CLCN2: variants seen among roughly 807,000 people sequenced by gnomAD.
CLCN2 encodes chloride voltage-gated channel 2.
In CLCN2, 72 loss-of-function variants were observed where a neutral mutation model predicts 108.3. The observed-to-expected ratio is 0.66, with a 90% CI of 0.55 to 0.81. The LOEUF (loss-of-function observed/expected upper bound fraction) is 0.81. CLCN2 is among the 30% of genes least tolerant of loss of function. The pLI, the probability that CLCN2 is intolerant of heterozygous loss-of-function variation, is 0.00. For synonymous variants in CLCN2, 471 were observed against 467.1 expected (o/e 1.01, Z -0.11); for missense variants, 1,048 against 1,205.2 (o/e 0.87, Z 1.93).
chr3:184,359,120 C>A lies in CLCN2; in HGVS notation c.75G>T (p.Arg25=). The change falls in exon 2 of 24, where the codon CGG becomes CGT. Residue 25 remains arginine, a synonymous_variant. Transcript: ENST00000265593. ...CAAAGGCCCCAAGGTCCTGAGTGTA[C>A]CGGCCATACATCTGGAGCAACAGAG... is the stretch of plus-strand genomic sequence containing the variant. The part of the protein sequence containing the change: ...LQYEQTLMYG[R]YTQDLGAFAK... The A allele has an allele frequency of 6.2e-7, 1 of 1,613,742 alleles. No homozygotes were observed. The highest frequency in any genetic ancestry group is 8.5e-7 in the Non-Finnish European group (1 of 1,180,048).
chr3:184,354,733 A>G, intron 13 of CLCN2, 75 bp from the exon 14 acceptor site: 1 of 1,373,602 alleles, frequency 7.3e-7, no homozygotes, highest in Admixed American at 1.7e-5. Context: ...AGAGAGGGTC[A>G]GAGGGTGAGG....
rs2108566657 is a variant in CLCN2, at chr3:184,354,625, A to G, written c.1430T>C (p.Met477Thr). The G allele has an allele frequency of 6.4e-7, 1 of 1,554,806 alleles. No homozygotes were observed. Among genetic ancestry groups the G allele is most frequent in the Non-Finnish European group, 8.7e-7 (1 of 1,150,150 alleles). The change falls in exon 14 of 24, where the codon ATG becomes ACG. Residue 477 changes from methionine to threonine, a missense_variant. Met to Thr is a moderately conservative substitution (Grantham distance 81, BLOSUM62 -1). Transcript: ENST00000265593. ...AATTCCATCTGGGAACCAGGCAGCCATGCTTTCACCCACCAGACGCCCAAA... is the reference window on the plus strand; with the variant it reads ...AATTCCATCTGGGAACCAGGCAGCCGTGCTTTCACCCACCAGACGCCCAAA... ...AAFGRLVGES[M>T]AAWFPDGIHT...
Position 184,352,887 on chromosome 3 carries a change from A to G in CLCN2, c.2144-77T>C, listed in dbSNP as rs3749223. On this transcript the variant is annotated intron_variant, in intron 18 of 23. Transcript: ENST00000265593. ...GGACCAGGAAAGGTAAGGAAGACAC[A>G]GGGAGAGGTATCCCAGTTCCAGCCC... is the stretch of plus-strand genomic sequence containing the variant. 0.71 allele frequency: 1,111,105 copies of G among 1,570,706 alleles called. 395,720 individuals carry two copies. Among genetic ancestry groups the G allele is most frequent in the African/African-American group, 0.88 (65,294 of 74,192 alleles).
Position 184,355,126 on chromosome 3 carries a change from C to G in CLCN2, c.1327-153G>C, listed in dbSNP as rs1050963425. 3.6e-6 allele frequency: 3 copies of G among 827,816 alleles called. No individual in the cohort carries two copies. Among genetic ancestry groups the G allele is most frequent in the Middle Eastern group, 3.4e-4 (1 of 2,968 alleles). 51.3% of individuals were successfully genotyped at this position (827,816 alleles called of 1,614,324 possible). ...CCTAGCTACCCTGGGACCCCCAGGC[C>G]TCCCAGGTGATGGCAAGGGGAAGGA... is the stretch of plus-strand genomic sequence containing the variant. On this transcript the variant is annotated intron_variant, in intron 12 of 23. Transcript: ENST00000265593. This position sits in a 1 kb window ranked among gnomAD's most constrained non-coding sequence, Gnocchi z 6.3.
intron 22 of CLCN2, 82 bp from the exon 23 acceptor site, chr3:184,347,103 G>A: frequency 8.1e-7 from 1 of 1,231,134 alleles, no homozygotes; most frequent in East Asian, 2.3e-5. Context: ...CCAGGACAAG[G>A]TTGGTGTGGA....
rs1727673096 is a variant in CLCN2, at chr3:184,346,481, G to C, written c.*125C>G. The C allele has an allele frequency of 1.8e-6, 2 of 1,108,786 alleles. No homozygotes were observed. The highest frequency in any genetic ancestry group is 2.7e-6 in the Non-Finnish European group (2 of 751,252). The allele number at this position is 1,108,786 out of a possible 1,614,324, so 68.7% of individuals were successfully genotyped here. On this transcript the variant is annotated 3_prime_UTR_variant, in exon 24 of 24. Coordinates refer to ENST00000265593, the MANE Select transcript of CLCN2 (RefSeq NM_004366.6). The surrounding 1 kb of genome is among the most constrained non-coding windows in gnomAD (Gnocchi z 6.0). ...GGGAGAAGCTGGCACCCCAGGTCTG[G>C]AGGGGGCTGGGGTGCAGCCTCCAGC... is the stretch of plus-strand genomic sequence containing the variant.
chr3:184,348,211 A>G (rs1475231886), intron 22 of CLCN2: 1 of 152,216 alleles, frequency 6.6e-6, no homozygotes, highest in Non-Finnish European at 1.5e-5. Context: ...CAATTTTAGA[A>G]TAAGCTCTTC....
At position 184,361,474 on chromosome 3, in the gene CLCN2, C is replaced by T; in HGVS notation, c.6G>A (p.Ala2=). The change falls in exon 1 of 24, where the codon GCG becomes GCA. Residue 2 remains alanine (A), a synonymous_variant. Transcript: ENST00000265593. This position sits in a 1 kb window ranked among gnomAD's most constrained non-coding sequence, Gnocchi z 6.6. ...CCATCCCTTCCTCCGCCGCCGCGGC[C>T]GCCATCTCCGCGCACTGCCCTCTCG... M[A]AAAAEEGMEP... 1.2e-6 allele frequency: 2 copies of T among 1,612,008 alleles called. No individual in the cohort carries two copies. The highest frequency in any genetic ancestry group is 1.1e-5 in the South Asian group (1 of 91,082).
chr3:184,353,389 G>A lies in CLCN2; in HGVS notation c.1889C>T (p.Ser630Leu). 1 of 1,612,564 alleles carries A rather than the reference G, an allele frequency of 6.2e-7. No individual in the cohort carries two copies. Residue 630 changes from serine (S) to leucine (L), a missense_variant, in exon 17 of 24, where the codon TCA (serine) becomes TTA (leucine). Ser to Leu is a moderately radical substitution (Grantham distance 145, BLOSUM62 -2). Transcript: ENST00000265593. ...SMILLGSIER[S>L]QVVALLGAQL... ...GGCCCCCAACAATGCCACCACCTGT[G>A]AACGCTCGATGGAGCCCAGCAGAAT...
chr3:184,349,160 A>C (rs759417543), intron 22 of CLCN2: 1 of 152,054 alleles, frequency 6.6e-6, no homozygotes, highest in Non-Finnish European at 1.5e-5. Context: ...CTCTTCTCTC[A>C]TTACAGTATT....
At chr3:184,353,227 G>A (rs1260403107) in intron 17 of CLCN2, 23 bp downstream of exon 17, 3 of 1,613,684 alleles carry the variant, frequency 1.9e-6, no homozygotes, top group Admixed American at 1.7e-5. Context: ...CATTTAGGAA[G>A]CGTTTGTGGC....
chr3:184,355,727 GA>G lies in CLCN2; in HGVS notation c.1136del (p.Phe379SerfsTer37). Reference sequence around the variant, plus strand: ...CCATGAACTGTCCAAAGCCAGGGGGGAAGGTCAGCGTGGAGATGAGCAGGGT... The same window carrying G: ...CCATGAACTGTCCAAAGCCAGGGGGGAGGTCAGCGTGGAGATGAGCAGGGT... ...LVTLLISTLT[F>X]PPGFGQFMAG... On this transcript the variant is annotated frameshift_variant, in exon 11 of 24. Coordinates refer to ENST00000265593, the MANE Select transcript of CLCN2 (RefSeq NM_004366.6). LOFTEE classifies it high-confidence loss of function. The surrounding 1 kb of genome is among the most constrained non-coding windows in gnomAD (Gnocchi z 6.3). The G allele has an allele frequency of 6.2e-7, 1 of 1,614,226 alleles. No individual in the cohort carries two copies. The highest frequency in any genetic ancestry group is 8.5e-7 in the Non-Finnish European group (1 of 1,180,034).
intron 3 of CLCN2, 108 bp downstream of exon 3, chr3:184,358,574 G>A: frequency 6.9e-7 from 1 of 1,441,696 alleles, no homozygotes; most frequent in Non-Finnish European, 9.5e-7. Context: ...GCTGGGGAAA[G>A]TGGTCAGTGG....
Position 184,358,788 on chromosome 3 carries a change from G to A in CLCN2, c.246C>T (p.Phe82=), listed in dbSNP as rs140463309. Residue 82 remains phenylalanine, a synonymous_variant, in exon 3 of 24, where the codon TTC becomes TTT. Coordinates refer to ENST00000265593, the MANE Select transcript of CLCN2 (RefSeq NM_004366.6). Reference sequence around the variant, plus strand: ...AATCTTCACCAACCCTGGATACTAGGAACTTGTGGCAGCGGACAGAACAGA... The same window carrying A: ...AATCTTCACCAACCCTGGATACTAGAAACTTGTGGCAGCGGACAGAACAGA... The part of the protein sequence containing the change: ...CRVCSVRCHK[F]LVSRVGEDWI... 1.2e-6 allele frequency: 2 copies of A among 1,613,376 alleles called. No homozygotes were observed. The highest frequency in any genetic ancestry group is 1.7e-6 in the Non-Finnish European group (2 of 1,179,704).
chr3:184,361,439 G>A lies in CLCN2; in HGVS notation c.41C>T (p.Ala14Val), dbSNP rs370338899. Reference sequence around the variant, plus strand: ...TACCAGGGTCTGCTCGTACTGCAGCGCCCGTGGCTCCATCCCTTCCTCCGC... The same window carrying A: ...TACCAGGGTCTGCTCGTACTGCAGCACCCGTGGCTCCATCCCTTCCTCCGC... ...AAAEEGMEPRALQYEQTLMYG... is the reference protein window; with the variant it reads ...AAAEEGMEPRVLQYEQTLMYG... Residue 14 changes from alanine (A) to valine (V), a missense_variant, in exon 1 of 24, where the codon GCG becomes GTG. Transcript: ENST00000265593. This position sits in a 1 kb window ranked among gnomAD's most constrained non-coding sequence, Gnocchi z 6.6. 6.8e-6 allele frequency: 11 copies of A among 1,613,360 alleles called. No individual in the cohort carries two copies. Among genetic ancestry groups the A allele is most frequent in the Non-Finnish European group, 8.5e-6 (10 of 1,179,970 alleles).
chr3:184,356,975 G>C lies in CLCN2; in HGVS notation c.1085+18C>G. 1 of 1,585,756 alleles carries C rather than the reference G, an allele frequency of 6.3e-7. No individual in the cohort carries two copies. Among genetic ancestry groups the C allele is most frequent in the Non-Finnish European group, 8.7e-7 (1 of 1,155,802 alleles). On this transcript the variant is annotated intron_variant, in intron 10 of 23. Coordinates refer to ENST00000265593, the MANE Select transcript of CLCN2 (RefSeq NM_004366.6). Reference sequence around the variant, plus strand: ...ATACAACTCAAAGCAGCCTGGAGAGGAGCCGAGAGCCACTCACTTCCTCAT... The same window carrying C: ...ATACAACTCAAAGCAGCCTGGAGAGCAGCCGAGAGCCACTCACTTCCTCAT...
In CLCN2 at chr3:184,358,729, G is replaced by A; in HGVS notation, c.305C>T (p.Ala102Val). 6.3e-7 allele frequency: 1 copy of A among 1,596,748 alleles called. No homozygotes were observed. The highest frequency in any genetic ancestry group is 8.5e-7 in the Non-Finnish European group (1 of 1,170,736). ...IFLVLLGLLM[A>V]LVSWVMDYAI... ...ATAGTCCATGACCCAGCTGACCAAT[G>A]CCATGAGAAGCCCCAGCAGGACCAG... The change falls in exon 3 of 24, where the codon GCA becomes GTA. Residue 102 changes from alanine (A) to valine (V), a missense_variant. Ala to Val is a moderately conservative substitution (Grantham distance 64, BLOSUM62 0). Coordinates refer to ENST00000265593, the MANE Select transcript of CLCN2 (RefSeq NM_004366.6).
In CLCN2 at chr3:184,353,707, G is replaced by C. The variant is rs753960111; in HGVS notation, c.1810C>G (p.Leu604Val). Reference sequence around the variant, plus strand: ...AGCATTCGGCCCTTGGTCCTGTGCAGTGCCAAACGCAGGTCCCGGAAGGTG... The same window carrying C: ...AGCATTCGGCCCTTGGTCCTGTGCACTGCCAAACGCAGGTCCCGGAAGGTG... ...SCTFRDLRLA[L>V]HRTKGRMLAL... Residue 604 changes from leucine (L) to valine (V), a missense_variant, in exon 16 of 24, where the codon CTG (leucine) becomes GTG (valine). By Grantham distance (32) the Leu-to-Val change is conservative. Transcript: ENST00000265593. 2 of 1,611,372 alleles carry C rather than the reference G, an allele frequency of 1.2e-6. No individual in the cohort carries two copies. The highest frequency in any genetic ancestry group is 3.3e-5 in the Admixed American group (2 of 59,754).
chr3:184,355,035 G>A lies in CLCN2; in HGVS notation c.1327-62C>T, dbSNP rs1291016525. ...CACCTGGCCCCAGGCAGCCCACAGCGCCACCCAGGAGAAGTCTACCTCGCT... is the reference window on the plus strand; with the variant it reads ...CACCTGGCCCCAGGCAGCCCACAGCACCACCCAGGAGAAGTCTACCTCGCT... On this transcript the variant is annotated intron_variant, in intron 12 of 23. Transcript: ENST00000265593. The surrounding 1 kb of genome is among the most constrained non-coding windows in gnomAD (Gnocchi z 6.3). 1.8e-5 allele frequency: 27 copies of A among 1,481,976 alleles called. No individual in the cohort carries two copies. The highest frequency in any genetic ancestry group is 5.0e-5 in the Admixed American group (3 of 59,414). 91.8% of individuals were successfully genotyped at this position (1,481,976 alleles called of 1,614,324 possible). A position where few individuals can be genotyped will look rare whatever the true frequency, so the allele number is the denominator to read the frequency against.
Sources: gnomAD v4.1 joint callset for allele counts on GRCh38, gnomAD v4.1.1 for gene constraint, Gnocchi (gnomAD v3.1) non-coding constraint, MANE v1.5 for transcripts, NCBI Gene and HGNC (gene_info 2026-07-23, HGNC 2026-07-21) for gene names.